Variants in VAV3 observed in about 807,000 individuals in gnomAD.
VAV3 encodes guanine nucleotide exchange factor VAV3.
Under a neutral mutation model 131.2 loss-of-function variants are expected in VAV3, and 94 were observed. That is an observed-to-expected ratio of 0.72 (90% CI 0.61 to 0.85). The LOEUF is 0.85. Among genes scored for constraint, VAV3 ranks in the 40% least tolerant of loss-of-function variants. The probability of loss-of-function intolerance (pLI) is 0.00; values close to 1 mark genes in which losing one functional copy is unlikely to be tolerated. For missense variants in VAV3, 939 were observed against 1,002.7 expected (o/e 0.94, Z 0.86); for synonymous variants, 349 against 342.0 (o/e 1.02, Z -0.22).
At chr1:107,585,968 G>A (rs1650453428) in intron 25 of VAV3, among the ~76,000 whole-genome samples, 1 of 152,130 alleles carries the variant, frequency 6.6e-6, no homozygotes, top group Non-Finnish European at 1.5e-5. Context: ...CCAGTGGCTG[G>A]TGTCAGCCTG....
intron 15 of VAV3, among the ~76,000 whole-genome samples, chr1:107,722,698 A>C (rs1343861272): frequency 6.6e-6 from 1 of 152,108 alleles, no homozygotes; most frequent in Non-Finnish European, 1.5e-5. Flanking sequence ...CCATGGCATG[A>C]GGTGAGGTTC....
At chr1:107,808,086 A>T (rs1667147094) in intron 2 of VAV3, among the ~76,000 whole-genome samples, 1 of 152,180 alleles carries the variant, frequency 6.6e-6, no homozygotes, top group Non-Finnish European at 1.5e-5. Context: ...TTCTACATAC[A>T]TATTTAATTA....
intron 2 of VAV3, among the ~76,000 whole-genome samples, chr1:107,781,889 T>C (rs1210050061): frequency 2.0e-5 from 3 of 152,158 alleles, no homozygotes; most frequent in African/African-American, 4.8e-5. Context: ...CAAATACTAA[T>C]AAATTTATCA....
chr1:107,796,159 T>A (rs1221353741), intron 2 of VAV3, among the ~76,000 whole-genome samples: 2 of 152,060 alleles, frequency 1.3e-5, no homozygotes, highest in African/African-American at 4.8e-5. Flanking sequence ...TGCCTCAAAA[T>A]GCCATGCAAC....
chr1:107,620,547 T>A (rs781252149), intron 20 of VAV3, among the ~76,000 whole-genome samples: 1 of 152,184 alleles, frequency 6.6e-6, no homozygotes, highest in African/African-American at 2.4e-5. Flanking sequence ...ATTTACACAA[T>A]GATGCATTTA....
intron 2 of VAV3, among the ~76,000 whole-genome samples, chr1:107,781,354 T>C (rs1665679364): frequency 6.6e-6 from 1 of 152,200 alleles, no homozygotes; most frequent in African/African-American, 2.4e-5. Flanking sequence ...ATGACGACAA[T>C]GTATTACATT....
intron 1 of VAV3, among the ~76,000 whole-genome samples, chr1:107,909,134 A>G (rs1672249812): frequency 1.3e-5 from 2 of 152,226 alleles, no homozygotes; most frequent in African/African-American, 2.4e-5. Context: ...CTTTTATTTT[A>G]GAAACTTTTC....
At chr1:107,736,216 T>C (rs1199131388) in intron 15 of VAV3, among the ~76,000 whole-genome samples, 1 of 152,064 alleles carries the variant, frequency 6.6e-6, no homozygotes, top group East Asian at 1.9e-4. Context: ...CTCAAAATAA[T>C]AAGAGGTATT....
chr1:107,825,590 AC>A (rs1336116112), intron 2 of VAV3, among the ~76,000 whole-genome samples: 1 of 152,148 alleles, frequency 6.6e-6, no homozygotes, highest in Non-Finnish European at 1.5e-5. Flanking sequence ...CCACTCTCCT[AC>A]ATAAATATTC....
intron 22 of VAV3, among the ~76,000 whole-genome samples, chr1:107,608,448 T>G: frequency 6.6e-6 from 1 of 152,228 alleles, no homozygotes; most frequent in East Asian, 1.9e-4. Context: ...TGCTATCAGC[T>G]CTAGACCTCA....
intron 19 of VAV3, among the ~76,000 whole-genome samples, chr1:107,661,945 G>A (rs1344064675): frequency 6.6e-6 from 1 of 152,050 alleles, no homozygotes. Flanking sequence ...AGTTGAGGAA[G>A]GTATTTTCCT....
chr1:107,838,104 A>C (rs948607175), intron 2 of VAV3, among the ~76,000 whole-genome samples: 3 of 152,226 alleles, frequency 2.0e-5, no homozygotes, highest in Non-Finnish European at 2.9e-5. Flanking sequence ...AACAAACTAC[A>C]GAATGGAAGA....
intron 1 of VAV3, among the ~76,000 whole-genome samples, chr1:107,878,336 A>C (rs1336219429): frequency 6.6e-6 from 1 of 152,172 alleles, no homozygotes; most frequent in Non-Finnish European, 1.5e-5. Flanking sequence ...CCATATTCAA[A>C]TTTCCTCAAT....
intron 20 of VAV3, among the ~76,000 whole-genome samples, chr1:107,621,389 T>C (rs150875911): frequency 5.5e-4 from 84 of 152,138 alleles, no homozygotes; most frequent in African/African-American, 2.0e-3. Flanking sequence ...CCTACAACAT[T>C]TGGAGAATTC....
intron 1 of VAV3, among the ~76,000 whole-genome samples, chr1:107,905,960 G>T (rs1045458993): frequency 2.0e-5 from 3 of 152,162 alleles, no homozygotes; most frequent in African/African-American, 7.2e-5. Flanking sequence ...CAACACAAGT[G>T]AAGAGTCTAT....
intron 1 of VAV3, among the ~76,000 whole-genome samples, chr1:107,945,663 A>T (rs1468168736): frequency 6.6e-6 from 1 of 152,000 alleles, no homozygotes. Flanking sequence ...CTCTACTAAA[A>T]ATACAAAAAT....
chr1:107,749,708 A>G (rs1331626697), intron 13 of VAV3, 114 bp from the exon 14 acceptor site: 10 of 1,182,012 alleles, frequency 8.5e-6, no homozygotes, highest in Admixed American at 8.3e-5. Flanking sequence ...GACAACAGGT[A>G]GTATCATACA....
At chr1:107,609,742 C>T (rs112516584) in intron 22 of VAV3, 189 bp downstream of exon 22, 6,523 of 581,776 alleles carry the variant, frequency 0.011, 355 homozygotes, top group African/African-American at 0.11. Context: ...CACACACACC[C>T]CCCTCGCAGA....
At chr1:107,596,440 A>AT (rs1447637474) in intron 24 of VAV3, 99 bp from the exon 25 acceptor site, 2 of 1,345,480 alleles carry the variant, frequency 1.5e-6, no homozygotes, top group African/African-American at 1.5e-5. Flanking sequence ...TGACCAATTT[A>AT]ATGCTAAATT....
Sources: allele counts gnomAD v4.1 joint callset (sites outside exome capture counted in the v4.1 genomes callset), GRCh38; gene constraint gnomAD v4.1.1; transcripts MANE v1.5; gene names NCBI Gene and HGNC (gene_info 2026-07-23, HGNC 2026-07-21).